The following SLC26A8 variants were observed in gnomAD, a reference collection of about 807,000 sequenced individuals.
SLC26A8 encodes solute carrier family 26 member 8.
A neutral mutation model predicts 105.0 loss-of-function variants in SLC26A8; 70 were observed. The observed-to-expected ratio is 0.67, with a 90% CI of 0.55 to 0.81. SLC26A8 has a LOEUF of 0.81. Among genes scored for constraint, SLC26A8 ranks in the 40% least tolerant of loss-of-function variants. The pLI, the probability that SLC26A8 is intolerant of heterozygous loss-of-function variation, is 0.00. For missense variants in SLC26A8, 998 were observed against 1,181.8 expected, an observed-to-expected ratio of 0.84 and a Z score of 2.28; for synonymous variants, 415 against 438.3, an observed-to-expected ratio of 0.95 and a Z score of 0.66.
At chr6:35,984,525 T>C (rs1269939271) in intron 7 of SLC26A8, among the ~76,000 whole-genome samples, 2 of 151,992 alleles carry the variant, frequency 1.3e-5, no homozygotes, top group Non-Finnish European at 2.9e-5. Context: ...GGTTTCATCA[T>C]GTTGGCTAGG....
chr6:36,019,833 T>A, intron 1 of SLC26A8, 124 bp from the exon 2 acceptor site: 1 of 884,304 alleles, frequency 1.1e-6, no homozygotes, highest in Non-Finnish European at 1.6e-6. Context: ...CTTTCAGTTG[T>A]AAAAAACTCT....
intron 2 of SLC26A8, among the ~76,000 whole-genome samples, chr6:36,017,318 A>G (rs768880079): frequency 2.0e-5 from 3 of 152,136 alleles, no homozygotes; most frequent in African/African-American, 4.8e-5. Context: ...ATACAGATAA[A>G]TTGGATTTCA....
chr6:36,006,127 CT>C (rs914554089), intron 3 of SLC26A8, among the ~76,000 whole-genome samples: 28 of 149,990 alleles, frequency 1.9e-4, no homozygotes, highest in Admixed American at 1.1e-3. Flanking sequence ...GCTATGAAAT[CT>C]TTTTTTTTTC....
chr6:35,947,623 T>A (rs1178270609), intron 19 of SLC26A8, among the ~76,000 whole-genome samples: 1 of 152,192 alleles, frequency 6.6e-6, no homozygotes, highest in Non-Finnish European at 1.5e-5. Flanking sequence ...TGTTAGCAAT[T>A]GCCAGTTAGA....
At chr6:35,989,919 TTTC>T (rs1364579712) in intron 7 of SLC26A8, 4 of 83,804 alleles carry the variant, frequency 4.8e-5, no homozygotes, top group Admixed American at 3.0e-4. Context: ...GTTTGTTTGT[TTTC>T]TTTTCTTTTT....
chr6:35,994,137 C>A (rs1339074981), intron 5 of SLC26A8, among the ~76,000 whole-genome samples: 2 of 117,768 alleles, frequency 1.7e-5, no homozygotes, highest in Admixed American at 2.1e-4. Flanking sequence ...TTTTTTGAGA[C>A]GGAGTCTTGC....
intron 9 of SLC26A8, among the ~76,000 whole-genome samples, chr6:35,976,466 T>C (rs1773032762): frequency 6.6e-6 from 1 of 151,018 alleles, no homozygotes; most frequent in Non-Finnish European, 1.5e-5. Context: ...GTTGTTTCCA[T>C]ATTTCCCTCT....
chr6:36,019,842 C>G lies in SLC26A8; in HGVS notation c.-2-133G>C, dbSNP rs1762088561. ...TAGCATCTTTCAGTTGTAAAAAACTCTTTCTCAAAGTTGTATAATTTTATG... is the reference window on the plus strand; with the variant it reads ...TAGCATCTTTCAGTTGTAAAAAACTGTTTCTCAAAGTTGTATAATTTTATG... On this transcript the variant is annotated intron_variant, in intron 1 of 19. Transcript: ENST00000490799. 9 of 845,174 alleles carry G rather than the reference C, an allele frequency of 1.1e-5. No homozygotes were observed. The East Asian group carries it at 1.2e-4, about 11-fold the overall frequency. The allele number at this position is 845,174 out of a possible 1,614,324, so 52.4% of individuals were successfully genotyped here. A position where few individuals can be genotyped will look rare whatever the true frequency, so the allele number is the denominator to read the frequency against.
At chr6:36,011,502 T>TC (rs1222614012) in intron 3 of SLC26A8, among the ~76,000 whole-genome samples, 1 of 152,220 alleles carries the variant, frequency 6.6e-6, no homozygotes, top group African/African-American at 2.4e-5. Context: ...ATCTGTGTGA[T>TC]CTTGTTGTCT....
At chr6:35,999,885 C>A in intron 4 of SLC26A8, 107 bp downstream of exon 4, 1 of 713,074 alleles carries the variant, frequency 1.4e-6, no homozygotes, top group Non-Finnish European at 2.4e-6. Flanking sequence ...CCACCTCCTG[C>A]CTCCTTTCTT....
intron 11 of SLC26A8, among the ~76,000 whole-genome samples, chr6:35,965,550 C>T (rs35522880): frequency 0.17 from 25,773 of 151,542 alleles, 2,313 homozygotes; most frequent in Middle Eastern, 0.23. Flanking sequence ...GGTGTGGTGA[C>T]GCATGCCTGT....
chr6:36,024,484 G>C lies in SLC26A8; in HGVS notation c.-3+20C>G. 6.7e-6 allele frequency: 3 copies of C among 448,352 alleles called. No individual in the cohort carries two copies. The highest frequency in any genetic ancestry group is 8.9e-6 in the Non-Finnish European group (2 of 224,666). The allele number at this position is 448,352 out of a possible 1,614,324, so 27.8% of individuals were successfully genotyped here. A position where few individuals can be genotyped will look rare whatever the true frequency, so the allele number is the denominator to read the frequency against. ...GACCTGCAGCCCCCGGCGCCCAGGCGTCTCCCAGCAGCGGCTCACCTGGCT... is the reference window on the plus strand; with the variant it reads ...GACCTGCAGCCCCCGGCGCCCAGGCCTCTCCCAGCAGCGGCTCACCTGGCT... On this transcript the variant is annotated intron_variant, in intron 1 of 19. Coordinates refer to ENST00000490799, the MANE Select transcript of SLC26A8 (RefSeq NM_052961.4).
chr6:35,985,790 G>C (rs906110769), intron 7 of SLC26A8, among the ~76,000 whole-genome samples: 77 of 150,530 alleles, frequency 5.1e-4, no homozygotes, highest in African/African-American at 1.8e-3. Flanking sequence ...TAAGGTGCCA[G>C]AGATGGGCTG....
At chr6:36,012,418 A>AC in intron 2 of SLC26A8, 46 bp from the exon 3 acceptor site, 3 of 1,533,506 alleles carry the variant, frequency 2.0e-6, no homozygotes, top group Middle Eastern at 3.5e-4. Flanking sequence ...TCCAAAGAAA[A>AC]TGCCCGCATA....
chr6:36,000,505 A>C (rs917573662), intron 3 of SLC26A8, among the ~76,000 whole-genome samples: 26 of 152,222 alleles, frequency 1.7e-4, no homozygotes, highest in African/African-American at 6.3e-4. Context: ...ACTGGAGAGC[A>C]AGGCAAGAAT....
At position 35,982,110 on chromosome 6, in the gene SLC26A8, G is replaced by A. The variant is rs1773291556; in HGVS notation, c.1025+11C>T. On this transcript the variant is annotated intron_variant, in intron 8 of 19. Coordinates refer to ENST00000490799, the MANE Select transcript of SLC26A8 (RefSeq NM_052961.4). Reference sequence around the variant, plus strand: ...AAGAGAAAAGCAATCTTGAAAAGTGGAATTACTGACCTATAAGGAATCATG... The same window carrying A: ...AAGAGAAAAGCAATCTTGAAAAGTGAAATTACTGACCTATAAGGAATCATG... 2.5e-6 allele frequency: 4 copies of A among 1,613,524 alleles called. No individual in the cohort carries two copies. Among genetic ancestry groups the A allele is most frequent in the Non-Finnish European group, 2.5e-6 (3 of 1,179,464 alleles).
chr6:35,982,736 C>CAAA (rs1773326450), intron 7 of SLC26A8, among the ~76,000 whole-genome samples: 3 of 152,086 alleles, frequency 2.0e-5, no homozygotes, highest in Admixed American at 2.0e-4. Context: ...TTTTTAGTTC[C>CAAA]AGGTACATTG....
At position 36,019,617 on chromosome 6, in the gene SLC26A8, T is replaced by C. The variant is rs1464627432; in HGVS notation, c.91A>G (p.Asn31Asp). 1 of 1,614,196 alleles carries C rather than the reference T, an allele frequency of 6.2e-7. No homozygotes were observed. Among genetic ancestry groups the C allele is most frequent in the South Asian group, 1.1e-5 (1 of 91,068 alleles). The change falls in exon 2 of 20, where the codon AAT becomes GAT. Residue 31 changes from asparagine (N) to aspartate (D), a missense_variant. Asn to Asp is a conservative substitution (Grantham distance 23). Coordinates refer to ENST00000490799, the MANE Select transcript of SLC26A8 (RefSeq NM_052961.4). ...FAYDVKREVY[N>D]EETFQQEHKR... ...TGTTCCTGTTGAAAGGTCTCCTCAT[T>C]GTATACTTCACGCTTAACATCATAT...
intron 19 of SLC26A8, among the ~76,000 whole-genome samples, chr6:35,950,136 T>C (rs919890275): frequency 1.3e-5 from 2 of 152,112 alleles, no homozygotes; most frequent in Non-Finnish European, 2.9e-5. Flanking sequence ...GTGTCTCATT[T>C]CATCAACTAG....
Sources: gnomAD v4.1 joint callset for allele counts (sites outside exome capture counted in the v4.1 genomes callset) on GRCh38, gnomAD v4.1.1 for gene constraint, MANE v1.5 for transcripts, NCBI Gene and HGNC (gene_info 2026-07-23, HGNC 2026-07-21) for gene names.